Variants in PDE10A observed in about 807,000 individuals in gnomAD.
PDE10A encodes phosphodiesterase 10A.
In PDE10A, 39 loss-of-function variants were observed where a neutral mutation model predicts 97.7. The ratio of observed to expected loss-of-function variants is 0.40; its 90% CI spans 0.31 to 0.52. The LOEUF is 0.52. PDE10A is among the 20% of genes least tolerant of loss of function. The probability of loss-of-function intolerance (pLI) is 0.56; values close to 1 mark genes in which losing one functional copy is unlikely to be tolerated. For synonymous variants in PDE10A, 371 were observed against 376.8 expected, an observed-to-expected ratio of 0.98 and a Z score of 0.18; for missense variants, 731 against 1,047.8, an observed-to-expected ratio of 0.70 and a Z score of 4.17.
rs1399557900 is a variant in PDE10A, at chr6:165,328,509, C to T, written c.*4516G>A. On this transcript the variant is annotated 3_prime_UTR_variant, in exon 22 of 22. Coordinates refer to ENST00000539869, the MANE Select transcript of PDE10A (RefSeq NM_001385079.1). ...CACCTTGGTCCTGAGGTGACATTAT[C>T]CTTTGCCTCACAGGGCCACACCTGG... is the stretch of plus-strand genomic sequence containing the variant. The T allele has an allele frequency of 5.3e-5, 8 of 152,218 alleles. No individual in the cohort carries two copies. 9.4% of individuals were successfully genotyped at this position (152,218 alleles called of 1,614,324 possible). A position where few individuals can be genotyped will look rare whatever the true frequency, so the allele number is the denominator to read the frequency against.
intron 2 of PDE10A, among the ~76,000 whole-genome samples, chr6:165,533,306 C>T (rs1300390674): frequency 6.6e-6 from 1 of 152,068 alleles, no homozygotes; most frequent in Admixed American, 6.6e-5. Context: ...GTTGTGAGAA[C>T]ATCATAGAGT....
At position 165,332,701 on chromosome 6, in the gene PDE10A, G is replaced by C. The variant is rs2128172497; in HGVS notation, c.*324C>G. 1.0e-5 allele frequency: 3 copies of C among 290,192 alleles called. No individual in the cohort carries two copies. In the South Asian group the frequency reaches 2.0e-4, roughly 19 times the overall value. 18.0% of individuals were successfully genotyped at this position (290,192 alleles called of 1,614,324 possible). A position where few individuals can be genotyped will look rare whatever the true frequency, so the allele number is the denominator to read the frequency against. On this transcript the variant is annotated 3_prime_UTR_variant, in exon 22 of 22. Coordinates refer to ENST00000539869, the MANE Select transcript of PDE10A (RefSeq NM_001385079.1). ...ATACAATGGAAAAGTACCCCTTCTG[G>C]ATAATTTTTGTCCATTTCCTTTAAG...
chr6:165,815,593 A>T (rs1779387383), intron 1 of PDE10A, among the ~76,000 whole-genome samples: 1 of 152,170 alleles, frequency 6.6e-6, no homozygotes, highest in Non-Finnish European at 1.5e-5. Context: ...GGGTCGGCGA[A>T]GGTGGACGGC....
chr6:165,459,588 T>C (rs1414963751), intron 3 of PDE10A, among the ~76,000 whole-genome samples: 1 of 151,488 alleles, frequency 6.6e-6, no homozygotes, highest in Non-Finnish European at 1.5e-5. Context: ...GATATATATA[T>C]ATATATAATA....
intron 1 of PDE10A, among the ~76,000 whole-genome samples, chr6:165,627,363 A>C (rs920298689): frequency 1.3e-5 from 2 of 152,216 alleles, no homozygotes; most frequent in African/African-American, 4.8e-5. Context: ...ATTAGTACAT[A>C]ATTTCCCGCA....
intron 12 of PDE10A, among the ~76,000 whole-genome samples, chr6:165,415,839 C>G (rs1002632217): frequency 3.3e-5 from 5 of 152,110 alleles, no homozygotes; most frequent in Admixed American, 2.6e-4. Context: ...GTGTTGCAGC[C>G]TTTGAGCATA....
intron 18 of PDE10A, among the ~76,000 whole-genome samples, chr6:165,370,937 G>A (rs879367640): frequency 0.13 from 16,692 of 127,886 alleles, 1,370 homozygotes; most frequent in Non-Finnish European, 0.16. Flanking sequence ...ACTCAAAACT[G>A]CTCAACTACA....
intron 5 of PDE10A, among the ~76,000 whole-genome samples, chr6:165,441,425 G>A (rs988016783): frequency 5.9e-5 from 9 of 152,048 alleles, no homozygotes; most frequent in Admixed American, 4.6e-4. Flanking sequence ...TGTTTTAAAC[G>A]GTTTGTTAAA....
chr6:165,950,731 G>C (rs1270588472), intron 1 of PDE10A, among the ~76,000 whole-genome samples: 1 of 135,682 alleles, frequency 7.4e-6, no homozygotes, highest in Non-Finnish European at 1.6e-5. Flanking sequence ...GCCGTCTTCA[G>C]CTGAGCCTTG....
intron 1 of PDE10A, among the ~76,000 whole-genome samples, chr6:165,583,598 C>T (rs1311393919): frequency 5.3e-5 from 8 of 152,176 alleles, no homozygotes; most frequent in African/African-American, 1.4e-4. Flanking sequence ...AGTGGACCCA[C>T]GATCATGGAA....
intron 1 of PDE10A, among the ~76,000 whole-genome samples, chr6:165,676,889 C>T (rs1055779311): frequency 2.6e-5 from 4 of 152,114 alleles, no homozygotes; most frequent in Non-Finnish European, 4.4e-5. Context: ...AAGGACCACA[C>T]GCACTCACAG....
At chr6:165,876,520 C>T (rs892220480) in intron 1 of PDE10A, among the ~76,000 whole-genome samples, 15 of 152,108 alleles carry the variant, frequency 9.9e-5, no homozygotes, top group Non-Finnish European at 4.4e-5. Flanking sequence ...TCTGACTATT[C>T]CCATGTAAAA....
intron 1 of PDE10A, among the ~76,000 whole-genome samples, chr6:165,682,499 G>C (rs1411880859): frequency 2.6e-5 from 4 of 152,112 alleles, no homozygotes; most frequent in Non-Finnish European, 5.9e-5. Context: ...CTTTTGGGAG[G>C]TGATAAGGTC....
rs554870288 is a variant in PDE10A at position 165,957,442 on chromosome 6, C to T, written c.-615+30087G>A. Reference sequence around the variant, plus strand: ...GTGACAGTAAGCTGTGATTGTGCAGCTGCACTCCAGCCTGGGCAACAGAGG... The same window carrying T: ...GTGACAGTAAGCTGTGATTGTGCAGTTGCACTCCAGCCTGGGCAACAGAGG... On this transcript the variant is annotated intron_variant, in intron 1 of 19. Transcript: ENST00000366882. Among the ~76,000 whole-genome samples, 22 of 152,160 alleles carry T rather than the reference C, an allele frequency of 1.4e-4. 1 individual carries two copies. In the South Asian group the frequency reaches 4.6e-3, roughly 32 times the overall value.
chr6:165,698,934 A>T (rs565367988), intron 1 of PDE10A, among the ~76,000 whole-genome samples: 2 of 152,352 alleles, frequency 1.3e-5, no homozygotes, highest in East Asian at 3.9e-4. Flanking sequence ...GTAGAAGGAT[A>T]AAAGAGACAT....
At chr6:165,730,847 C>A (rs1422718548) in intron 1 of PDE10A, among the ~76,000 whole-genome samples, 1 of 151,686 alleles carries the variant, frequency 6.6e-6, no homozygotes, top group African/African-American at 2.4e-5. Context: ...AGTTGAAGAC[C>A]AGCCTGGCCA....
intron 2 of PDE10A, among the ~76,000 whole-genome samples, chr6:165,529,584 T>C (rs963969180): frequency 6.6e-6 from 1 of 152,230 alleles, no homozygotes; most frequent in Non-Finnish European, 1.5e-5. Context: ...GCAACTGTCA[T>C]GAATATTTCC....
chr6:165,510,479 C>T (rs1219292894), intron 2 of PDE10A, among the ~76,000 whole-genome samples: 1 of 151,830 alleles, frequency 6.6e-6, no homozygotes, highest in Non-Finnish European at 1.5e-5. Flanking sequence ...GATAGATATA[C>T]TGGCCTGTAG....
At chr6:165,792,967 TG>T (rs1284924046) in intron 1 of PDE10A, among the ~76,000 whole-genome samples, 1 of 151,922 alleles carries the variant, frequency 6.6e-6, no homozygotes, top group East Asian at 1.9e-4. Flanking sequence ...GGTGCTGGGG[TG>T]GGGGGTGGCT....
Sources: gnomAD v4.1 joint callset for allele counts (sites outside exome capture counted in the v4.1 genomes callset) on GRCh38, gnomAD v4.1.1 for gene constraint, MANE v1.5 for transcripts, NCBI Gene and HGNC (gene_info 2026-07-23, HGNC 2026-07-21) for gene names.